Variants in MGAT4C observed in about 807,000 individuals in gnomAD.
MGAT4C encodes the protein MGAT4 family member C, also known as alpha-1,3-mannosyl-glycoprotein 4-beta-N-acetylglucosaminyltransferase C.
MGAT4C carries 19 observed loss-of-function variants against 40.1 expected under a neutral mutation model. That is an observed-to-expected ratio of 0.47 (90% CI 0.33 to 0.70). The LOEUF is 0.70. MGAT4C is among the 30% of genes least tolerant of loss of function. The pLI is 0.02. For missense variants in MGAT4C, 491 were observed against 563.2 expected (o/e 0.87, Z 1.30); for synonymous variants, 181 against 187.1 (o/e 0.97, Z 0.27).
intron 1 of MGAT4C, among the ~76,000 whole-genome samples, chr12:86,768,405 G>A (rs1435474667): frequency 2.0e-5 from 3 of 152,112 alleles, no homozygotes; most frequent in African/African-American, 7.2e-5. Flanking sequence ...ATGCTCATGG[G>A]TAGGAAGAAT....
At chr12:86,346,728 G>A (rs116203355) in intron 3 of MGAT4C, among the ~76,000 whole-genome samples, 1 of 152,136 alleles carries the variant, frequency 6.6e-6, no homozygotes, top group Admixed American at 6.6e-5. Context: ...GCGAAGTATT[G>A]TTCCTAGGTG....
chr12:86,615,543 AAC>A (rs951709861), intron 2 of MGAT4C, among the ~76,000 whole-genome samples: 10 of 152,212 alleles, frequency 6.6e-5, no homozygotes, highest in Non-Finnish European at 1.2e-4. Context: ...TTAAGAAAAA[AAC>A]AGTTTGATAT....
At chr12:86,187,386 G>T (rs1004943021) in intron 1 of MGAT4C, among the ~76,000 whole-genome samples, 1 of 151,902 alleles carries the variant, frequency 6.6e-6, no homozygotes, top group Admixed American at 6.6e-5. Flanking sequence ...GAATCTTAAT[G>T]AACTTATACA....
At chr12:85,989,848 T>C (rs1374736084) in intron 2 of MGAT4C, among the ~76,000 whole-genome samples, 4 of 152,054 alleles carry the variant, frequency 2.6e-5, no homozygotes, top group Admixed American at 2.6e-4. Flanking sequence ...AGGCCTCTGA[T>C]GAGAAACAGT....
chr12:86,520,734 C>T (rs1251405327), intron 2 of MGAT4C, among the ~76,000 whole-genome samples: 1 of 152,038 alleles, frequency 6.6e-6, no homozygotes, highest in Non-Finnish European at 1.5e-5. Flanking sequence ...ACCTCACAAG[C>T]ACCTGTTATT....
chr12:86,711,459 A>G (rs1950555462), intron 2 of MGAT4C, among the ~76,000 whole-genome samples: 1 of 152,102 alleles, frequency 6.6e-6, no homozygotes, highest in Non-Finnish European at 1.5e-5. Flanking sequence ...AAACAGATCT[A>G]CCGCATAGTT....
At chr12:86,094,567 A>C (rs551483202) in intron 1 of MGAT4C, among the ~76,000 whole-genome samples, 1 of 152,326 alleles carries the variant, frequency 6.6e-6, no homozygotes, top group Non-Finnish European at 1.5e-5. Flanking sequence ...ATGTACTGGC[A>C]GATATCCTAA....
At chr12:86,081,376 CA>C (rs1870807848) in intron 1 of MGAT4C, among the ~76,000 whole-genome samples, 1 of 152,224 alleles carries the variant, frequency 6.6e-6, no homozygotes, top group Admixed American at 6.5e-5. Flanking sequence ...AAACCAGAGA[CA>C]AATGAACATT....
intron 1 of MGAT4C, among the ~76,000 whole-genome samples, chr12:86,761,133 T>C (rs888496750): frequency 1.3e-5 from 2 of 152,146 alleles, no homozygotes; most frequent in African/African-American, 4.8e-5. Context: ...GGCATAATGT[T>C]TTGGAAAGTT....
intron 1 of MGAT4C, among the ~76,000 whole-genome samples, chr12:86,082,400 T>C (rs1031170667): frequency 2.0e-5 from 3 of 152,168 alleles, no homozygotes; most frequent in Non-Finnish European, 4.4e-5. Context: ...GGAAATAAGG[T>C]AAAGGTTTAT....
intron 1 of MGAT4C, among the ~76,000 whole-genome samples, chr12:86,765,555 A>G (rs552060998): frequency 1.3e-5 from 2 of 152,312 alleles, no homozygotes; most frequent in African/African-American, 4.8e-5. Context: ...ACTCCAAGAC[A>G]CATAATTGTC....
chr12:86,291,067 C>T (rs183835523), intron 4 of MGAT4C, among the ~76,000 whole-genome samples: 72 of 152,208 alleles, frequency 4.7e-4, no homozygotes, highest in African/African-American at 1.6e-3. Context: ...ACATGTTCTG[C>T]CCACTCAAGC....
At chr12:86,616,946 T>A (rs1183177222) in intron 2 of MGAT4C, among the ~76,000 whole-genome samples, 2 of 152,186 alleles carry the variant, frequency 1.3e-5, no homozygotes, top group Non-Finnish European at 2.9e-5. Flanking sequence ...AAACCTGTTA[T>A]TTGTTGTGTT....
At position 86,502,790 on chromosome 12, in the gene MGAT4C, ATATATGTATACACGAGTTCTGCTCAT is replaced by A. The variant is rs1188294462; in HGVS notation, c.-228-67551_-228-67526del. ...ATATGTATACACGAGTTCTGCTCAT[ATATATGTATACACGAGTTCTGCTCAT>A]ATATATGTATACACGAGTTCTGCTC... On this transcript the variant is annotated intron_variant, in intron 2 of 7. Transcript: ENST00000548651. Among the ~76,000 whole-genome samples the A allele has an allele frequency of 3.1e-5, 4 of 127,274 alleles. No homozygotes were observed. In the East Asian group the frequency reaches 9.0e-4, roughly 29 times the overall value. 83.5% of individuals were successfully genotyped at this position (127,274 alleles called of 152,430 possible).
intron 3 of MGAT4C, among the ~76,000 whole-genome samples, chr12:86,334,992 T>G (rs1229933307): frequency 6.6e-6 from 1 of 152,068 alleles, no homozygotes; most frequent in Non-Finnish European, 1.5e-5. Flanking sequence ...ATTTGAATAT[T>G]TAAAATTTTA....
chr12:86,404,250 A>G (rs759171731), intron 3 of MGAT4C, among the ~76,000 whole-genome samples: 63 of 152,226 alleles, frequency 4.1e-4, no homozygotes, highest in Non-Finnish European at 1.5e-4. Context: ...CAAAATGACA[A>G]TAAAAATTAC....
chr12:86,526,687 C>G (rs1245706800), intron 2 of MGAT4C, among the ~76,000 whole-genome samples: 1 of 152,110 alleles, frequency 6.6e-6, no homozygotes. Flanking sequence ...GACAGTTTCC[C>G]TAGGACTAAA....
At chr12:86,066,706 A>T (rs2137021880) in intron 1 of MGAT4C, among the ~76,000 whole-genome samples, 1 of 152,356 alleles carries the variant, frequency 6.6e-6, no homozygotes, top group South Asian at 2.1e-4. Flanking sequence ...CAAAATTGAC[A>T]AACGGGATCT....
chr12:86,122,516 A>C (rs1879535167), intron 1 of MGAT4C, among the ~76,000 whole-genome samples: 1 of 152,150 alleles, frequency 6.6e-6, no homozygotes, highest in Admixed American at 6.6e-5. Context: ...TCTAAGTTAT[A>C]ACTAAATAGG....
Sources: gnomAD v4.1 joint callset for allele counts (sites outside exome capture counted in the v4.1 genomes callset) on GRCh38, gnomAD v4.1.1 for gene constraint, MANE v1.5 for transcripts, NCBI Gene and HGNC (gene_info 2026-07-23, HGNC 2026-07-21) for gene names.